ASIC5: variants seen among roughly 807,000 people sequenced by gnomAD.
The protein encoded by ASIC5 is acid sensing ion channel subunit family member 5.
Under a neutral mutation model 51.2 loss-of-function variants are expected in ASIC5, and 52 were observed. That is an observed-to-expected ratio of 1.02 (90% CI 0.81 to 1.28). The LOEUF is 1.28. Among genes scored for constraint, ASIC5 ranks in the 50% most tolerant of loss-of-function variants. The pLI, the probability that ASIC5 is intolerant of heterozygous loss-of-function variation, is 0.00. For missense variants in ASIC5, 635 were observed against 595.0 expected, an observed-to-expected ratio of 1.07 and a Z score of -0.70; for synonymous variants, 231 against 200.7, an observed-to-expected ratio of 1.15 and a Z score of -1.28.
chr4:155,859,929 AATCTT>A (rs1479242726), intron 2 of ASIC5, among the ~76,000 whole-genome samples: 1 of 151,986 alleles, frequency 6.6e-6, no homozygotes, highest in African/African-American at 2.4e-5. Flanking sequence ...AAGCTCCTAA[AATCTT>A]GTCTTGGCTT....
At chr4:155,845,599 T>G (rs962905941) in intron 4 of ASIC5, among the ~76,000 whole-genome samples, 1 of 151,934 alleles carries the variant, frequency 6.6e-6, no homozygotes, top group African/African-American at 2.4e-5. Context: ...AATTCTACCG[T>G]TTTTTGGAGA....
chr4:155,852,377 T>C (rs1166593830), intron 3 of ASIC5, 61 bp from the exon 4 acceptor site: 1 of 1,512,456 alleles, frequency 6.6e-7, no homozygotes, highest in African/African-American at 1.4e-5. Context: ...ACTTCTCAAG[T>C]TTGCCATAAC....
rs369397692 is a variant in ASIC5 at position 155,863,728 on chromosome 4, G to C, written c.67C>G (p.Leu23Val). 4.3e-6 allele frequency: 7 copies of C among 1,613,370 alleles called. No individual in the cohort carries two copies. The African/African-American group carries it at 8.0e-5, about 18-fold the overall frequency. Residue 23 changes from leucine to valine, a missense_variant, in exon 2 of 10, where the codon CTT becomes GTT. By Grantham distance (32) the Leu-to-Val change is conservative. Coordinates refer to ENST00000537611, the MANE Select transcript of ASIC5 (RefSeq NM_017419.3). ...NGLLEKIKLC[L>V]SKKPLPSPTE... is the part of the protein sequence containing the mutation. Reference sequence around the variant, plus strand: ...GGAGATGGCAGTGGTTTCTTTGAAAGGCAAAGCTTTATCTTTTCTAAGAGT... The same window carrying C: ...GGAGATGGCAGTGGTTTCTTTGAAACGCAAAGCTTTATCTTTTCTAAGAGT...
chr4:155,838,516 T>C (rs1052873319), intron 7 of ASIC5, among the ~76,000 whole-genome samples: 2 of 152,200 alleles, frequency 1.3e-5, no homozygotes, highest in East Asian at 3.8e-4. Context: ...TGTAGTATTT[T>C]AACTATTCAC....
chr4:155,835,218 G>T (rs1365528143), intron 8 of ASIC5, among the ~76,000 whole-genome samples: 10 of 152,164 alleles, frequency 6.6e-5, no homozygotes, highest in Non-Finnish European at 1.0e-4. Context: ...CCCTAGGGTT[G>T]CAGGCACCCA....
At chr4:155,865,321 C>T (rs966665552) in intron 1 of ASIC5, among the ~76,000 whole-genome samples, 2 of 151,910 alleles carry the variant, frequency 1.3e-5, no homozygotes, top group Non-Finnish European at 1.5e-5. Flanking sequence ...AGAGAAAAAT[C>T]AGAAACAAGA....
Position 155,863,756 on chromosome 4 carries a change from T to G in ASIC5, c.41-2A>C, listed in dbSNP as rs201085326. On this transcript the variant is annotated splice_acceptor_variant, in intron 1 of 9. Transcript: ENST00000537611. LOFTEE classifies it high-confidence loss of function. ...AAAGCTTTATCTTTTCTAAGAGTCCTTAAGGTTTTGCCCATAAAATGATTA... is the reference window on the plus strand; with the variant it reads ...AAAGCTTTATCTTTTCTAAGAGTCCGTAAGGTTTTGCCCATAAAATGATTA... 1.5e-5 allele frequency: 24 copies of G among 1,604,310 alleles called. No homozygotes were observed. The highest frequency in any genetic ancestry group is 8.5e-7 in the Non-Finnish European group (1 of 1,175,098).
At chr4:155,843,608 C>A in intron 5 of ASIC5, 73 bp downstream of exon 5, 1 of 1,505,040 alleles carries the variant, frequency 6.6e-7, no homozygotes, top group Admixed American at 2.0e-5. Flanking sequence ...AAAGGAATTT[C>A]TAGTGAAAAG....
chr4:155,831,839 C>T lies in ASIC5; in HGVS notation c.1312G>A (p.Val438Met), dbSNP rs751767541. The stretch of plus-strand genomic sequence containing the variant: ...TAACACTTACCAAGTAACTCAGACA[C>T]ACTCACCGCCTTTTGCTGCTGGGTT... Reference protein sequence around the residue: ...KITQQQKAVSVSELLADLGGQ... With the variant: ...KITQQQKAVSMSELLADLGGQ... Residue 438 changes from valine to methionine, a missense_variant, in exon 9 of 10, where the codon GTG becomes ATG. Transcript: ENST00000537611. 6.3e-7 allele frequency: 1 copy of T among 1,599,406 alleles called. No homozygotes were observed. Among genetic ancestry groups the T allele is most frequent in the Non-Finnish European group, 8.6e-7 (1 of 1,167,574 alleles).
intron 2 of ASIC5, among the ~76,000 whole-genome samples, chr4:155,855,535 CTG>C (rs1323381243): frequency 6.6e-6 from 1 of 151,872 alleles, no homozygotes; most frequent in African/African-American, 2.4e-5. Flanking sequence ...AATTTTGAAA[CTG>C]AACAAATGTT....
intron 8 of ASIC5, among the ~76,000 whole-genome samples, chr4:155,833,166 AG>A (rs538141313): frequency 3.2e-4 from 48 of 152,316 alleles, no homozygotes; most frequent in African/African-American, 1.0e-3. Context: ...GTTGTCCCTT[AG>A]ATATATGTAA....
At chr4:155,837,296 A>T (rs924346300) in intron 7 of ASIC5, among the ~76,000 whole-genome samples, 6 of 152,206 alleles carry the variant, frequency 3.9e-5, no homozygotes, top group Non-Finnish European at 7.3e-5. Flanking sequence ...TTGTCTCAAC[A>T]TACAATGGTA....
At chr4:155,835,038 C>T (rs1246386282) in intron 8 of ASIC5, among the ~76,000 whole-genome samples, 1 of 152,164 alleles carries the variant, frequency 6.6e-6, no homozygotes, top group African/African-American at 2.4e-5. Context: ...AAACCTTGCA[C>T]CCATCCTTCG....
At chr4:155,856,407 C>T (rs914945499) in intron 2 of ASIC5, among the ~76,000 whole-genome samples, 1 of 152,048 alleles carries the variant, frequency 6.6e-6, no homozygotes, top group Admixed American at 6.6e-5. Flanking sequence ...GAAACAACCT[C>T]AAGCCAACAT....
intron 4 of ASIC5, among the ~76,000 whole-genome samples, chr4:155,847,487 T>C (rs989682498): frequency 3.3e-5 from 5 of 151,994 alleles, no homozygotes; most frequent in African/African-American, 9.7e-5. Flanking sequence ...TTTGGGAGGC[T>C]GAGCAGGTGG....
intron 2 of ASIC5, chr4:155,854,800 C>T (rs953363243): frequency 6.4e-6 from 1 of 155,912 alleles, no homozygotes; most frequent in Non-Finnish European, 1.4e-5. Flanking sequence ...GGGCAGCAGC[C>T]AGGACCACAG....
At chr4:155,857,602 G>C (rs59091544) in intron 2 of ASIC5, among the ~76,000 whole-genome samples, 4,386 of 152,152 alleles carry the variant, frequency 0.029, 96 homozygotes, top group South Asian at 0.058. Context: ...CCAGTTATTA[G>C]ATATGTCTTT....
At chr4:155,835,907 T>C (rs891796321) in intron 8 of ASIC5, among the ~76,000 whole-genome samples, 2 of 152,238 alleles carry the variant, frequency 1.3e-5, no homozygotes, top group Admixed American at 1.3e-4. Flanking sequence ...CACACATCTG[T>C]GAAAATGTAC....
chr4:155,857,150 G>A (rs1213904276), intron 2 of ASIC5, among the ~76,000 whole-genome samples: 2 of 152,010 alleles, frequency 1.3e-5, no homozygotes, highest in African/African-American at 2.4e-5. Flanking sequence ...TTGAGACAGA[G>A]TCTCAATTTG....
Sources: gnomAD v4.1 joint callset for allele counts (sites outside exome capture counted in the v4.1 genomes callset) on GRCh38, gnomAD v4.1.1 for gene constraint, MANE v1.5 for transcripts, NCBI Gene and HGNC (gene_info 2026-07-23, HGNC 2026-07-21) for gene names.